TBC1D5: variants seen among roughly 807,000 people sequenced by gnomAD.
The protein encoded by TBC1D5 is TBC1 domain family, member 5.
Under a neutral mutation model 100.3 loss-of-function variants are expected in TBC1D5, and 75 were observed. The observed-to-expected ratio is 0.75, with a 90% CI of 0.62 to 0.91. The LOEUF (loss-of-function observed/expected upper bound fraction) is 0.91, where lower values mean the gene tolerates loss of function less well. Ranked by LOEUF, TBC1D5 falls within the 40% of genes least tolerant of loss-of-function variation. The pLI is 0.00. For synonymous variants in TBC1D5, 323 were observed against 325.6 expected (o/e 0.99, Z 0.09); for missense variants, 910 against 942.4 (o/e 0.97, Z 0.45).
intron 2 of TBC1D5, among the ~76,000 whole-genome samples, chr3:17,520,420 G>A (rs2096051553): frequency 6.6e-6 from 1 of 152,098 alleles, no homozygotes; most frequent in Non-Finnish European, 1.5e-5. Context: ...GTTAAGATCT[G>A]CAATTATTCA....
At chr3:17,420,414 G>A (rs1244141889) in intron 4 of TBC1D5, among the ~76,000 whole-genome samples, 1 of 151,822 alleles carries the variant, frequency 6.6e-6, no homozygotes, top group African/African-American at 2.4e-5. Flanking sequence ...AATCATTTGA[G>A]TCAAATTGTT....
At chr3:17,282,072 A>G (rs574124625) in intron 15 of TBC1D5, among the ~76,000 whole-genome samples, 1 of 152,230 alleles carries the variant, frequency 6.6e-6, no homozygotes, top group African/African-American at 2.4e-5. Flanking sequence ...ACAGCACTTA[A>G]AGCTGGAAAT....
At chr3:17,390,122 T>C (rs1028645088) in intron 8 of TBC1D5, among the ~76,000 whole-genome samples, 6 of 152,276 alleles carry the variant, frequency 3.9e-5, no homozygotes, top group South Asian at 2.1e-4. Flanking sequence ...AAGTAGTTTA[T>C]GACAACTAGA....
chr3:17,362,744 T>C (rs977433546), intron 13 of TBC1D5, among the ~76,000 whole-genome samples: 2 of 152,184 alleles, frequency 1.3e-5, no homozygotes, highest in African/African-American at 4.8e-5. Context: ...AGTGCTGGAA[T>C]TACAGGCATG....
In TBC1D5 at chr3:17,644,429, A is replaced by G. The variant is rs555449761; in HGVS notation, c.-100-20516T>C. ...TATTCCCAAGTATATTTCAACTATT[A>G]TAAGTAAAACCTACTTAATCTAATA... On this transcript the variant is annotated intron_variant, in intron 1 of 21. Coordinates refer to ENST00000253692, the Ensembl canonical transcript of TBC1D5. Among the ~76,000 whole-genome samples, 6 of 152,276 alleles carry G rather than the reference A, an allele frequency of 3.9e-5. No individual in the cohort carries two copies. In the South Asian group the frequency reaches 6.2e-4, roughly 16 times the overall value.
chr3:17,238,072 A>C, intron 17 of TBC1D5, 91 bp downstream of exon 17: 2 of 1,497,614 alleles, frequency 1.3e-6, no homozygotes, highest in Non-Finnish European at 1.8e-6. Flanking sequence ...ATTAATTTCT[A>C]TTCTAGGAGA....
chr3:17,165,160 T>C (rs1183454566), intron 21 of TBC1D5, among the ~76,000 whole-genome samples: 1 of 152,180 alleles, frequency 6.6e-6, no homozygotes, highest in Non-Finnish European at 1.5e-5. Context: ...GGCTAGCTTA[T>C]CTTGGGTATG....
chr3:17,589,411 C>A (rs1049876393), intron 2 of TBC1D5, among the ~76,000 whole-genome samples: 25 of 152,120 alleles, frequency 1.6e-4, no homozygotes, highest in Non-Finnish European at 3.1e-4. Flanking sequence ...GTGGGAGGGA[C>A]CTAGTGTGAG....
chr3:17,364,009 A>G (rs1035564056), intron 13 of TBC1D5, among the ~76,000 whole-genome samples: 1 of 151,734 alleles, frequency 6.6e-6, no homozygotes, highest in Non-Finnish European at 1.5e-5. Flanking sequence ...AAAGAACAAC[A>G]CAAGAATCAG....
chr3:17,366,142 T>A (rs895630949), intron 13 of TBC1D5, among the ~76,000 whole-genome samples: 1 of 151,816 alleles, frequency 6.6e-6, no homozygotes, highest in African/African-American at 2.4e-5. Flanking sequence ...ATACAAAAAA[T>A]TAGCTGGGCA....
intron 18 of TBC1D5, among the ~76,000 whole-genome samples, chr3:17,194,634 G>A (rs1382994761): frequency 1.3e-5 from 2 of 152,086 alleles, no homozygotes; most frequent in Non-Finnish European, 2.9e-5. Context: ...CAATGAAAAG[G>A]AAATGGCAAA....
chr3:17,492,380 G>A (rs1353391737), intron 3 of TBC1D5, among the ~76,000 whole-genome samples: 1 of 151,884 alleles, frequency 6.6e-6, no homozygotes, highest in Non-Finnish European at 1.5e-5. Context: ...TGTGATGTTA[G>A]GATGTTGACT....
At chr3:17,667,795 AAGT>A (rs1257091001) in intron 1 of TBC1D5, among the ~76,000 whole-genome samples, 1 of 152,132 alleles carries the variant, frequency 6.6e-6, no homozygotes, top group Non-Finnish European at 1.5e-5. Context: ...AGTTTATAAC[AAGT>A]ATTAAGTTTT....
At chr3:17,556,271 G>T (rs1479990540) in intron 2 of TBC1D5, among the ~76,000 whole-genome samples, 1 of 152,152 alleles carries the variant, frequency 6.6e-6, no homozygotes, top group African/African-American at 2.4e-5. Flanking sequence ...ACCCGCCTTG[G>T]CCTCCCAAAG....
intron 1 of TBC1D5, among the ~76,000 whole-genome samples, chr3:17,685,949 T>G (rs2070212275): frequency 6.6e-6 from 1 of 152,140 alleles, no homozygotes; most frequent in South Asian, 2.1e-4. Context: ...TTTACAATTC[T>G]AAAAATAATG....
chr3:17,402,289 T>C (rs988129721), intron 8 of TBC1D5, among the ~76,000 whole-genome samples: 4 of 152,138 alleles, frequency 2.6e-5, no homozygotes, highest in African/African-American at 9.7e-5. Context: ...TTAGCAGGAA[T>C]TGAACTAGGA....
intron 1 of TBC1D5, among the ~76,000 whole-genome samples, chr3:17,627,389 A>T (rs527334452): frequency 6.6e-6 from 1 of 152,202 alleles, no homozygotes. Context: ...AATACATAAT[A>T]GTTTAAAATC....
intron 2 of TBC1D5, among the ~76,000 whole-genome samples, chr3:17,512,016 G>A (rs528851314): frequency 1.5e-4 from 22 of 151,698 alleles, no homozygotes; most frequent in African/African-American, 4.3e-4. Context: ...TTTTTTTATC[G>A]TTTTGTTTTA....
exon 22 of TBC1D5, chr3:17,158,227 A>G (rs1163783009): frequency 1.3e-5 from 2 of 152,268 alleles, no homozygotes; most frequent in African/African-American, 4.8e-5. Context: ...ATAGGGACAC[A>G]TATAAAAACA....
Sources: gnomAD v4.1 joint callset for allele counts (sites outside exome capture counted in the v4.1 genomes callset) on GRCh38, gnomAD v4.1.1 for gene constraint, MANE v1.5 for transcripts, NCBI Gene and HGNC (gene_info 2026-07-23, HGNC 2026-07-21) for gene names.